OSBPL1A: variants seen among roughly 807,000 people sequenced by gnomAD.
OSBPL1A encodes the protein oxysterol binding protein like 1A, also known as oxysterol-binding protein-related protein 1.
OSBPL1A carries 80 observed loss-of-function variants against 137.1 expected under a neutral mutation model. The observed-to-expected ratio is 0.58, with a 90% confidence interval of 0.49 to 0.70. The LOEUF (loss-of-function observed/expected upper bound fraction) is 0.70. Among genes scored for constraint, OSBPL1A ranks in the 30% least tolerant of loss-of-function variants. OSBPL1A has a pLI of 0.00. For missense variants in OSBPL1A, 970 were observed against 1,129.4 expected, an observed-to-expected ratio of 0.86 and a Z score of 2.02; for synonymous variants, 365 against 389.7, an observed-to-expected ratio of 0.94 and a Z score of 0.75.
At chr18:24,325,035 G>A (rs1364596249) in intron 7 of OSBPL1A, among the ~76,000 whole-genome samples, 1 of 151,900 alleles carries the variant, frequency 6.6e-6, no homozygotes, top group African/African-American at 2.4e-5. Context: ...GCAATGAGCC[G>A]AGATTGCGCC....
At chr18:24,359,947 G>A (rs1463214696) in intron 4 of OSBPL1A, among the ~76,000 whole-genome samples, 1 of 152,050 alleles carries the variant, frequency 6.6e-6, no homozygotes, top group Admixed American at 6.6e-5. Flanking sequence ...CAAGAGCTGG[G>A]GAACTGCATG....
At chr18:24,395,958 A>G (rs935574319) in intron 1 of OSBPL1A, among the ~76,000 whole-genome samples, 1 of 148,034 alleles carries the variant, frequency 6.8e-6, no homozygotes, top group Admixed American at 6.7e-5. Context: ...TGTGGCTCAC[A>G]CCTGTAAATC....
At chr18:24,340,075 C>CA (rs2091248172) in intron 5 of OSBPL1A, among the ~76,000 whole-genome samples, 1 of 152,138 alleles carries the variant, frequency 6.6e-6, no homozygotes, top group South Asian at 2.1e-4. Flanking sequence ...TGTGAAATTG[C>CA]AACTCTAATT....
At chr18:24,366,715 C>T in intron 4 of OSBPL1A, 177 bp downstream of exon 4, 1 of 510,728 alleles carries the variant, frequency 2.0e-6, no homozygotes, top group South Asian at 3.5e-5. Context: ...GACCTTAGTA[C>T]TGGACCTCAC....
intron 4 of OSBPL1A, 72 bp from the exon 5 acceptor site, chr18:24,341,730 C>T (rs1399655796): frequency 3.1e-6 from 3 of 954,216 alleles, no homozygotes; most frequent in African/African-American, 1.6e-5. Context: ...TTCCAAATTA[C>T]TAACTACTAC....
At chr18:24,241,420 C>T (rs962060917) in intron 15 of OSBPL1A, among the ~76,000 whole-genome samples, 3 of 151,998 alleles carry the variant, frequency 2.0e-5, no homozygotes, top group African/African-American at 4.8e-5. Flanking sequence ...TGAACTTAAA[C>T]AAATTTACAA....
chr18:24,219,014 C>T (rs896828337), intron 17 of OSBPL1A, among the ~76,000 whole-genome samples: 28 of 151,842 alleles, frequency 1.8e-4, no homozygotes, highest in Non-Finnish European at 3.5e-4. Flanking sequence ...AATAGGAGGC[C>T]GAGCGCAGTG....
At chr18:24,257,099 A>C (rs2089302149) in intron 15 of OSBPL1A, among the ~76,000 whole-genome samples, 1 of 152,082 alleles carries the variant, frequency 6.6e-6, no homozygotes, top group Admixed American at 6.6e-5. Flanking sequence ...AATGCCAGTG[A>C]CAATCTTCAC....
At chr18:24,366,314 G>A (rs1157993388) in intron 4 of OSBPL1A, 3 of 152,056 alleles carry the variant, frequency 2.0e-5, no homozygotes, top group Non-Finnish European at 4.4e-5. Context: ...AGGTTTTTAT[G>A]GAGGTTCCAT....
At chr18:24,257,537 C>A (rs773767398) in intron 15 of OSBPL1A, among the ~76,000 whole-genome samples, 1 of 152,124 alleles carries the variant, frequency 6.6e-6, no homozygotes, top group East Asian at 1.9e-4. Flanking sequence ...TACAAGGAAA[C>A]ACTAGGGAAA....
intron 17 of OSBPL1A, among the ~76,000 whole-genome samples, chr18:24,210,791 C>T (rs1274560386): frequency 6.6e-6 from 1 of 152,140 alleles, no homozygotes; most frequent in Non-Finnish European, 1.5e-5. Flanking sequence ...CCACCTTGGC[C>T]TCCCAAAGTG....
chr18:24,362,791 A>T (rs2091643823), intron 4 of OSBPL1A, among the ~76,000 whole-genome samples: 1 of 152,264 alleles, frequency 6.6e-6, no homozygotes, highest in South Asian at 2.1e-4. Flanking sequence ...TGAAAAAATG[A>T]GCATAAAGCT....
At chr18:24,179,982 G>A in intron 19 of OSBPL1A, 147 bp from the exon 20 acceptor site, 2 of 642,348 alleles carry the variant, frequency 3.1e-6, no homozygotes, top group Non-Finnish European at 2.8e-6. Context: ...CTCTAGCAGT[G>A]GGACATGGAA....
intron 12 of OSBPL1A, among the ~76,000 whole-genome samples, chr18:24,313,257 G>A (rs1020598585): frequency 6.0e-5 from 9 of 150,246 alleles, no homozygotes; most frequent in East Asian, 2.0e-4. Context: ...CCTGACGAAC[G>A]TGGTGAAACC....
At chr18:24,268,492 A>G (rs1042148168) in intron 15 of OSBPL1A, among the ~76,000 whole-genome samples, 12 of 152,096 alleles carry the variant, frequency 7.9e-5, no homozygotes, top group African/African-American at 2.4e-4. Flanking sequence ...ATATACCTAT[A>G]TAACAAATCT....
chr18:24,255,918 C>T (rs888806448), intron 15 of OSBPL1A, among the ~76,000 whole-genome samples: 11 of 152,104 alleles, frequency 7.2e-5, no homozygotes, highest in Non-Finnish European at 1.5e-4. Context: ...CCTCAGCCCC[C>T]CAAGTAGTTG....
At chr18:24,382,983 A>C (rs996593354) in intron 1 of OSBPL1A, among the ~76,000 whole-genome samples, 2 of 152,208 alleles carry the variant, frequency 1.3e-5, no homozygotes, top group Non-Finnish European at 1.5e-5. Flanking sequence ...ATTAAGCTCT[A>C]TATATATTTG....
intron 7 of OSBPL1A, among the ~76,000 whole-genome samples, chr18:24,319,526 A>G (rs1479914033): frequency 6.6e-6 from 1 of 152,218 alleles, no homozygotes; most frequent in Non-Finnish European, 1.5e-5. Context: ...GTGACAATGG[A>G]GAATAAAGCC....
At chr18:24,224,914 T>C (rs1271976554) in intron 17 of OSBPL1A, 128 bp downstream of exon 17, 2 of 1,207,950 alleles carry the variant, frequency 1.7e-6, no homozygotes, top group Non-Finnish European at 2.3e-6. Flanking sequence ...AATGCTTTCT[T>C]TGAGGTGATA....
Sources: gnomAD v4.1 joint callset for allele counts (sites outside exome capture counted in the v4.1 genomes callset) on GRCh38, gnomAD v4.1.1 for gene constraint, MANE v1.5 for transcripts, NCBI Gene and HGNC (gene_info 2026-07-23, HGNC 2026-07-21) for gene names.